Variants in TRAPPC9 observed in about 807,000 individuals in gnomAD.
The protein encoded by TRAPPC9 is trafficking protein particle complex subunit 9, also known as IKK2 binding protein.
TRAPPC9 carries 83 observed loss-of-function variants against 124.0 expected under a neutral mutation model. That is an observed-to-expected ratio of 0.67 (90% CI 0.56 to 0.80). The LOEUF is 0.80. TRAPPC9 is among the 30% of genes least tolerant of loss of function. The pLI, the probability that TRAPPC9 is intolerant of heterozygous loss-of-function variation, is 0.00. For synonymous variants in TRAPPC9, 638 were observed against 617.5 expected (o/e 1.03, Z -0.49); for missense variants, 1,302 against 1,508.3 (o/e 0.86, Z 2.27).
intron 17 of TRAPPC9, among the ~76,000 whole-genome samples, chr8:140,219,084 C>G (rs1423175217): frequency 6.6e-6 from 1 of 152,172 alleles, no homozygotes; most frequent in Non-Finnish European, 1.5e-5. Flanking sequence ...GCCAGAAATT[C>G]AGCAGGAAGA....
intron 19 of TRAPPC9, among the ~76,000 whole-genome samples, chr8:139,971,004 C>T (rs553787067): frequency 6.6e-6 from 1 of 151,992 alleles, no homozygotes; most frequent in Non-Finnish European, 1.5e-5. Flanking sequence ...TTCTCCATAC[C>T]CCACACCCCT....
rs1818652515 is a variant in TRAPPC9 at position 139,742,801 on chromosome 8, G to GA, written c.3056-10600dup. On this transcript the variant is annotated intron_variant, in intron 21 of 22. Transcript: ENST00000438773. The surrounding 1 kb of genome is among the most constrained non-coding windows in gnomAD (Gnocchi z 4.7). Reference sequence around the variant, plus strand: ...TCCTGGCACCCAGGAAACATTCACTGAAATGCTGCATCTGTGGGAGAAGAA... The same window carrying GA: ...TCCTGGCACCCAGGAAACATTCACTGAAAATGCTGCATCTGTGGGAGAAGAA... Among the ~76,000 whole-genome samples the GA allele has an allele frequency of 6.6e-6, 1 of 152,242 alleles. No individual in the cohort carries two copies. The highest frequency in any genetic ancestry group is 1.5e-5 in the Non-Finnish European group (1 of 68,050).
intron 17 of TRAPPC9, among the ~76,000 whole-genome samples, chr8:140,151,166 G>A (rs370988729): frequency 1.3e-5 from 2 of 152,132 alleles, no homozygotes; most frequent in African/African-American, 4.8e-5. Flanking sequence ...CTCAAGGGGG[G>A]CCAGGAGCAC....
At chr8:139,970,027 G>C (rs1351805246) in intron 19 of TRAPPC9, among the ~76,000 whole-genome samples, 2 of 152,238 alleles carry the variant, frequency 1.3e-5, no homozygotes, top group African/African-American at 4.8e-5. Flanking sequence ...GTTAGCCACA[G>C]TCTAAGGAAA....
intron 17 of TRAPPC9, among the ~76,000 whole-genome samples, chr8:140,190,080 C>T (rs2062451613): frequency 6.6e-6 from 1 of 152,236 alleles, no homozygotes; most frequent in African/African-American, 2.4e-5. Context: ...CTGTTGACCA[C>T]TGTCCTATAC....
In TRAPPC9 at chr8:140,280,676, C is replaced by T. The variant is rs191277233; in HGVS notation, c.2114+3213G>A. On this transcript the variant is annotated intron_variant, in intron 14 of 22. Coordinates refer to ENST00000438773, the MANE Select transcript of TRAPPC9 (RefSeq NM_001160372.4). ...CTCCAACTCCTGACCTAAGGTGATC[C>T]GCCCGCCTCTGCCTCCCAAAATGCT... Among the ~76,000 whole-genome samples the T allele has an allele frequency of 8.2e-3, 1,241 of 152,082 alleles. 18 individuals are homozygous for T. Among genetic ancestry groups the T allele is most frequent in the African/African-American group, 0.028 (1,177 of 41,452 alleles).
chr8:139,843,554 G>A (rs1310869495), intron 21 of TRAPPC9, among the ~76,000 whole-genome samples: 1 of 152,220 alleles, frequency 6.6e-6, no homozygotes, highest in East Asian at 1.9e-4. Context: ...GAGACAGGAA[G>A]CTCATCCTGA....
chr8:140,371,420 A>G (rs1221223990), intron 7 of TRAPPC9, among the ~76,000 whole-genome samples: 5 of 152,218 alleles, frequency 3.3e-5, no homozygotes, highest in Admixed American at 2.6e-4. Context: ...CTCTGCTACA[A>G]AGGTACCTGC....
intron 12 of TRAPPC9, among the ~76,000 whole-genome samples, chr8:140,288,538 T>C (rs2065555610): frequency 1.3e-5 from 2 of 152,140 alleles, no homozygotes; most frequent in African/African-American, 4.8e-5. Context: ...CCCTCAGGAC[T>C]TCTCAGCATT....
intron 8 of TRAPPC9, among the ~76,000 whole-genome samples, chr8:140,370,430 G>A (rs117081266): frequency 0.028 from 4,277 of 152,158 alleles, 104 homozygotes; most frequent in Middle Eastern, 0.082. Flanking sequence ...GTGAGCCACC[G>A]TGCCTGGCCC....
chr8:139,808,031 G>A (rs898163403), intron 21 of TRAPPC9, among the ~76,000 whole-genome samples: 1 of 152,198 alleles, frequency 6.6e-6, no homozygotes, highest in Non-Finnish European at 1.5e-5. Context: ...AGGAGGGCAG[G>A]AGGTGGGAAA....
chr8:139,751,423 T>C (rs373259903), intron 21 of TRAPPC9, among the ~76,000 whole-genome samples: 3 of 152,200 alleles, frequency 2.0e-5, no homozygotes, highest in South Asian at 4.1e-4. Context: ...CCCAGGGCCA[T>C]GCCCTAGCCT....
intron 17 of TRAPPC9, among the ~76,000 whole-genome samples, chr8:140,027,009 T>C (rs73357148): frequency 0.019 from 2,852 of 152,326 alleles, 78 homozygotes; most frequent in African/African-American, 0.062. Flanking sequence ...CTCAGACCTC[T>C]TACATTGCCC....
intron 17 of TRAPPC9, among the ~76,000 whole-genome samples, chr8:140,033,657 GGTTT>G (rs1840647121): frequency 1.2e-4 from 6 of 49,302 alleles, no homozygotes; most frequent in African/African-American, 2.5e-4. Flanking sequence ...TTCATAATGT[GGTTT>G]TTTTTTTTTT....
At chr8:139,894,654 A>G (rs2131177055) in intron 20 of TRAPPC9, among the ~76,000 whole-genome samples, 1 of 151,704 alleles carries the variant, frequency 6.6e-6, no homozygotes, top group South Asian at 2.1e-4. Context: ...CACTTCCTCC[A>G]CTCCTGACCA....
chr8:140,220,916 C>T (rs1361964350), intron 17 of TRAPPC9, among the ~76,000 whole-genome samples: 1 of 152,170 alleles, frequency 6.6e-6, no homozygotes, highest in African/African-American at 2.4e-5. Context: ...CCAGAGCTTC[C>T]CATGTGCTGA....
chr8:139,915,120 G>A (rs76274657), intron 19 of TRAPPC9, among the ~76,000 whole-genome samples: 1,664 of 152,160 alleles, frequency 0.011, 25 homozygotes, highest in African/African-American at 0.038. Context: ...GGGTGTTGGC[G>A]GGAATGGCCT....
intron 9 of TRAPPC9, among the ~76,000 whole-genome samples, chr8:140,313,738 C>T (rs892011578): frequency 9.2e-5 from 14 of 152,094 alleles, no homozygotes; most frequent in African/African-American, 2.9e-4. Flanking sequence ...GGAAAAGGGA[C>T]CGTCGCCAGC....
chr8:140,278,510 A>C (rs1044624877), intron 14 of TRAPPC9, among the ~76,000 whole-genome samples: 2 of 152,190 alleles, frequency 1.3e-5, no homozygotes, highest in Non-Finnish European at 2.9e-5. Context: ...AAGCATCTCA[A>C]ACTTGAACCA....
Sources: gnomAD v4.1 joint callset for allele counts (sites outside exome capture counted in the v4.1 genomes callset) on GRCh38, gnomAD v4.1.1 for gene constraint, Gnocchi (gnomAD v3.1) non-coding constraint, MANE v1.5 for transcripts, NCBI Gene and HGNC (gene_info 2026-07-23, HGNC 2026-07-21) for gene names.